The following ALG14 variants were observed in gnomAD, a reference collection of about 807,000 sequenced individuals.
ALG14 encodes UDP-N-acetylglucosamine transferase subunit ALG14.
ALG14 carries 17 observed loss-of-function variants against 22.8 expected under a neutral mutation model. The observed-to-expected ratio is 0.75, with a 90% CI of 0.51 to 1.12. ALG14 has a LOEUF of 1.12. Ranked by LOEUF, ALG14 falls within the 50% of genes most tolerant of loss-of-function variation. ALG14 has a pLI of 0.00. For synonymous variants in ALG14, 89 were observed against 103.7 expected, an observed-to-expected ratio of 0.86 and a Z score of 0.86; for missense variants, 288 against 271.8, an observed-to-expected ratio of 1.06 and a Z score of -0.42.
chr1:95,023,029 A>G (rs1673708722), intron 3 of ALG14, among the ~76,000 whole-genome samples: 1 of 152,210 alleles, frequency 6.6e-6, no homozygotes, highest in Non-Finnish European at 1.5e-5. Flanking sequence ...ACAAACAGTG[A>G]TAATCTTGGT....
rs1458233164 is a variant in ALG14, at chr1:95,027,164, A to C, written c.385T>G (p.Ser129Ala). The C allele has an allele frequency of 6.2e-7, 1 of 1,614,126 alleles. No individual in the cohort carries two copies. Among genetic ancestry groups the C allele is most frequent in the African/African-American group, 1.3e-5 (1 of 75,052 alleles). ...VFTTLHSMWLSFPLIHRVKPD... is the reference protein window; with the variant it reads ...VFTTLHSMWLAFPLIHRVKPD... ...TTCACCCTGTGAATTAGGGGAAAGG[A>C]GAGCCACATGGAGTGCAAGGTGGTG... The change falls in exon 3 of 4, where the codon TCC becomes GCC. Residue 129 changes from serine to alanine, a missense_variant. Physicochemically the swap from Ser to Ala is moderately conservative, Grantham distance 99. Coordinates refer to ENST00000370205, the MANE Select transcript of ALG14 (RefSeq NM_144988.4).
intron 3 of ALG14, among the ~76,000 whole-genome samples, chr1:95,002,254 A>T (rs566069797): frequency 1.3e-4 from 19 of 151,658 alleles, no homozygotes; most frequent in Non-Finnish European, 2.2e-4. Context: ...TGGGGGGGGG[A>T]ACCTGGAAGG....
At chr1:95,044,543 G>C (rs1203051392) in intron 2 of ALG14, among the ~76,000 whole-genome samples, 3 of 152,040 alleles carry the variant, frequency 2.0e-5, no homozygotes, top group African/African-American at 7.2e-5. Flanking sequence ...CTTTTCCAGA[G>C]ACTTTTCCCT....
At chr1:95,048,325 T>C (rs982608809) in intron 2 of ALG14, among the ~76,000 whole-genome samples, 18 of 152,332 alleles carry the variant, frequency 1.2e-4, no homozygotes, top group Non-Finnish European at 2.4e-4. Context: ...TATATTTTTT[T>C]AAATGCAGGT....
intron 2 of ALG14, among the ~76,000 whole-genome samples, chr1:95,045,127 G>A (rs529559033): frequency 2.6e-5 from 4 of 152,208 alleles, no homozygotes; most frequent in African/African-American, 9.6e-5. Flanking sequence ...TAGCATATAA[G>A]GAAGTGATTG....
At position 95,027,153 on chromosome 1, in the gene ALG14, T is replaced by C. The variant is rs2100771768; in HGVS notation, c.396A>G (p.Leu132=). 3.7e-6 allele frequency: 6 copies of C among 1,614,036 alleles called. No homozygotes were observed. The highest frequency in any genetic ancestry group is 4.2e-6 in the Non-Finnish European group (5 of 1,179,988). Residue 132 remains leucine (L), a synonymous_variant, in exon 3 of 4, where the codon CTA becomes CTG. Coordinates refer to ENST00000370205, the MANE Select transcript of ALG14 (RefSeq NM_144988.4). ...TLHSMWLSFP[L]IHRVKPDLVL... is the part of the protein sequence containing the mutation. ...CCAAATCTGGCTTCACCCTGTGAAT[T>C]AGGGGAAAGGAGAGCCACATGGAGT...
chr1:95,054,218 G>A (rs1431247861), intron 2 of ALG14, among the ~76,000 whole-genome samples: 5 of 152,186 alleles, frequency 3.3e-5, no homozygotes, highest in Non-Finnish European at 7.3e-5. Flanking sequence ...CCTCAGTGTT[G>A]AAGGAGGGGC....
intron 3 of ALG14, among the ~76,000 whole-genome samples, chr1:95,004,981 A>T (rs7539139): frequency 0.57 from 86,330 of 151,916 alleles, 25,666 homozygotes; most frequent in East Asian, 0.82. Context: ...AATTTTTGTA[A>T]TTTTAGTGGA....
At chr1:94,991,900 C>T (rs1032748087) in intron 3 of ALG14, among the ~76,000 whole-genome samples, 4 of 151,322 alleles carry the variant, frequency 2.6e-5, no homozygotes, top group Admixed American at 6.6e-5. Flanking sequence ...AAGACACAGA[C>T]GCACACATTA....
intron 2 of ALG14, among the ~76,000 whole-genome samples, chr1:95,058,284 GAAAAAA>G (rs56748968): frequency 5.4e-4 from 11 of 20,510 alleles, no homozygotes; most frequent in Non-Finnish European, 4.0e-4. Flanking sequence ...GACTCCATCT[GAAAAAA>G]AAAAAAAAAA....
chr1:95,062,605 C>A (rs550448741), intron 2 of ALG14, among the ~76,000 whole-genome samples: 1 of 152,342 alleles, frequency 6.6e-6, no homozygotes, highest in South Asian at 2.1e-4. Context: ...TGGCTCCATC[C>A]ATATCCCTGC....
intron 1 of ALG14, among the ~76,000 whole-genome samples, chr1:95,065,643 T>A (rs890583939): frequency 3.3e-5 from 5 of 152,122 alleles, no homozygotes; most frequent in South Asian, 2.1e-4. Context: ...GAAGGTTCTA[T>A]GTAGAGAAGT....
chr1:94,998,018 G>A (rs186406279), intron 3 of ALG14, among the ~76,000 whole-genome samples: 1 of 152,240 alleles, frequency 6.6e-6, no homozygotes, highest in East Asian at 1.9e-4. Context: ...GCCTTTTAAG[G>A]GGAAAAGAGG....
Position 95,003,812 on chromosome 1 carries a change from GTTTTC to G in ALG14, c.421-20511_421-20507del, listed in dbSNP as rs551066484. Reference sequence around the variant, plus strand: ...TTAGAGAGGAAAATATAGCACTTTTGTTTTCTTTTAAGATTATTTTCCATGGATAA... The same window carrying G: ...TTAGAGAGGAAAATATAGCACTTTTGTTTTAAGATTATTTTCCATGGATAA... On this transcript the variant is annotated intron_variant, in intron 3 of 3. Coordinates refer to ENST00000370205, the MANE Select transcript of ALG14 (RefSeq NM_144988.4). Among the ~76,000 whole-genome samples the G allele has an allele frequency of 8.6e-4, 131 of 151,940 alleles. 1 individual carries two copies. Among genetic ancestry groups the G allele is most frequent in the Admixed American group, 1.7e-3 (26 of 15,264 alleles).
chr1:95,049,413 T>C (rs1034499896), intron 2 of ALG14, among the ~76,000 whole-genome samples: 2 of 152,120 alleles, frequency 1.3e-5, no homozygotes, highest in East Asian at 1.9e-4. Context: ...TGTGCACCTG[T>C]AGTCCCAGCT....
intron 3 of ALG14, among the ~76,000 whole-genome samples, chr1:95,016,812 C>A (rs1205358044): frequency 6.6e-6 from 1 of 152,076 alleles, no homozygotes; most frequent in Non-Finnish European, 1.5e-5. Context: ...ACAATCCAGT[C>A]AGGGAACCTA....
At chr1:95,013,468 A>T (rs1191400367) in intron 3 of ALG14, among the ~76,000 whole-genome samples, 1 of 151,784 alleles carries the variant, frequency 6.6e-6, no homozygotes, top group Non-Finnish European at 1.5e-5. Flanking sequence ...TACAGGTGCC[A>T]ACCACCACGC....
intron 1 of ALG14, among the ~76,000 whole-genome samples, chr1:95,070,359 C>T (rs938997410): frequency 1.3e-5 from 2 of 152,182 alleles, no homozygotes; most frequent in Admixed American, 1.3e-4. Context: ...AATTTGTATG[C>T]CTTTTCTCCT....
chr1:95,063,145 GTTT>G (rs1055989702), intron 2 of ALG14, among the ~76,000 whole-genome samples: 10 of 151,850 alleles, frequency 6.6e-5, no homozygotes, highest in Admixed American at 6.6e-4. Flanking sequence ...TTTAATAACA[GTTT>G]TTTTCTTGTA....
Sources: allele counts gnomAD v4.1 joint callset (sites outside exome capture counted in the v4.1 genomes callset), GRCh38; gene constraint gnomAD v4.1.1; transcripts MANE v1.5; gene names NCBI Gene and HGNC (gene_info 2026-07-23, HGNC 2026-07-21).